SLC24A2: variants seen among roughly 807,000 people sequenced by gnomAD.
SLC24A2 encodes sodium/potassium/calcium exchanger 2.
SLC24A2 carries 36 observed loss-of-function variants against 62.0 expected under a neutral mutation model. The ratio of observed to expected loss-of-function variants is 0.58; its 90% CI spans 0.44 to 0.77. SLC24A2 has a LOEUF of 0.77. Among genes scored for constraint, SLC24A2 ranks in the 30% least tolerant of loss-of-function variants. The pLI is 0.00. For synonymous variants in SLC24A2, 358 were observed against 294.0 expected (o/e 1.22, Z -2.23); for missense variants, 846 against 817.9 (o/e 1.03, Z -0.42).
At chr9:19,696,604 T>C (rs1011001493) in intron 2 of SLC24A2, among the ~76,000 whole-genome samples, 10 of 152,212 alleles carry the variant, frequency 6.6e-5, no homozygotes, top group African/African-American at 2.4e-4. Flanking sequence ...TGCTATATTA[T>C]TCTATATCTT....
the SLC24A2 span, among the ~76,000 whole-genome samples, chr9:20,169,481 A>T: frequency 2.0e-5 from 3 of 152,026 alleles, no homozygotes; most frequent in East Asian, 3.9e-4. Flanking sequence ...GAATCCAGGG[A>T]TCTGCAGACA....
At chr9:20,263,698 C>A in the SLC24A2 span, among the ~76,000 whole-genome samples, 2 of 152,172 alleles carry the variant, frequency 1.3e-5, no homozygotes, top group Non-Finnish European at 2.9e-5. Flanking sequence ...TAGTAGCCAG[C>A]ACTAGTAGCT....
the SLC24A2 span, among the ~76,000 whole-genome samples, chr9:19,817,002 T>C: frequency 2.8e-4 from 42 of 152,282 alleles, 2 homozygotes; most frequent in South Asian, 8.5e-3. Context: ...TAAGTATTCA[T>C]AGAATGCATG....
intron 2 of SLC24A2, among the ~76,000 whole-genome samples, chr9:19,663,196 A>G (rs1420172620): frequency 6.6e-6 from 1 of 152,170 alleles, no homozygotes; most frequent in East Asian, 1.9e-4. Flanking sequence ...ACAGATTAGG[A>G]AAAAGAGGCT....
chr9:20,075,698 AG>A, the SLC24A2 span, among the ~76,000 whole-genome samples: 97,683 of 151,954 alleles, frequency 0.64, 32,596 homozygotes, highest in East Asian at 0.95. Context: ...TTGAACAATC[AG>A]GGGGGGATAC....
At chr9:19,651,103 T>G (rs1818788980) in intron 2 of SLC24A2, among the ~76,000 whole-genome samples, 1 of 152,102 alleles carries the variant, frequency 6.6e-6, no homozygotes, top group Admixed American at 6.6e-5. Context: ...TAGTATTAGG[T>G]AGCACAGATC....
the SLC24A2 span, among the ~76,000 whole-genome samples, chr9:19,873,846 A>G: frequency 1.3e-5 from 2 of 152,248 alleles, no homozygotes; most frequent in South Asian, 2.1e-4. Context: ...GAATGCCCCA[A>G]ATCACCAAAT....
intron 2 of SLC24A2, among the ~76,000 whole-genome samples, chr9:19,723,300 A>G (rs1821080644): frequency 6.6e-6 from 1 of 152,144 alleles, no homozygotes; most frequent in African/African-American, 2.4e-5. Flanking sequence ...TTTGTTGCAC[A>G]GATGTGAAGG....
the SLC24A2 span, among the ~76,000 whole-genome samples, chr9:20,088,317 G>A: frequency 6.6e-6 from 1 of 152,226 alleles, no homozygotes; most frequent in Non-Finnish European, 1.5e-5. Context: ...GGAGGGGCAG[G>A]CTGCCGGCTT....
At chr9:19,716,419 G>C (rs531131433) in intron 2 of SLC24A2, among the ~76,000 whole-genome samples, 3 of 152,320 alleles carry the variant, frequency 2.0e-5, no homozygotes, top group African/African-American at 7.2e-5. Context: ...ATGATAGATA[G>C]AACAGGGTTC....
At position 19,511,623 on chromosome 9, in the gene SLC24A2, G is replaced by C. The variant is rs189486709; in HGVS notation, c.*4530C>G. 1.3e-5 allele frequency: 2 copies of C among 152,252 alleles called. No individual in the cohort carries two copies. Among genetic ancestry groups the C allele is most frequent in the Admixed American group, 6.5e-5 (1 of 15,300 alleles). 9.4% of individuals were successfully genotyped at this position (152,252 alleles called of 1,614,324 possible). A position where few individuals can be genotyped will look rare whatever the true frequency, so the allele number is the denominator to read the frequency against. ...AGACAGTATTGTTGAGACAGGTATA[G>C]GGGTTGAGGAGGTATCTTTTAAAAA... On this transcript the variant is annotated 3_prime_UTR_variant, in exon 11 of 11. Coordinates refer to ENST00000341998, the MANE Select transcript of SLC24A2 (RefSeq NM_020344.4).
chr9:19,518,534 G>A (rs1352381255), intron 10 of SLC24A2, among the ~76,000 whole-genome samples: 3 of 151,042 alleles, frequency 2.0e-5, no homozygotes, highest in Non-Finnish European at 4.4e-5. Flanking sequence ...CGATTCTCCT[G>A]CCTCAGCTTC....
At chr9:19,718,596 C>T (rs1237994581) in intron 2 of SLC24A2, among the ~76,000 whole-genome samples, 1 of 151,900 alleles carries the variant, frequency 6.6e-6, no homozygotes, top group Admixed American at 6.6e-5. Flanking sequence ...CAGGCATGAG[C>T]CACTGCGCCC....
the SLC24A2 span, among the ~76,000 whole-genome samples, chr9:20,089,218 C>G: frequency 6.6e-6 from 1 of 152,154 alleles, no homozygotes; most frequent in African/African-American, 2.4e-5. Flanking sequence ...ACCCCCAGCA[C>G]AGAACACCCA....
intron 5 of SLC24A2, among the ~76,000 whole-genome samples, chr9:19,580,849 G>A (rs1296514299): frequency 6.6e-6 from 1 of 152,082 alleles, no homozygotes; most frequent in Admixed American, 6.5e-5. Context: ...GGATTCCAGT[G>A]GTATTGGTAG....
chr9:19,831,691 G>C, the SLC24A2 span, among the ~76,000 whole-genome samples: 3 of 152,074 alleles, frequency 2.0e-5, no homozygotes, highest in Non-Finnish European at 2.9e-5. Context: ...CAGAGACAAA[G>C]AATACAAAAG....
the SLC24A2 span, among the ~76,000 whole-genome samples, chr9:20,266,160 G>A: frequency 2.0e-5 from 3 of 152,246 alleles, no homozygotes; most frequent in South Asian, 2.1e-4. Context: ...ACCTTGTAAA[G>A]CATGTGATCT....
rs182001942 is a variant in SLC24A2, at chr9:19,675,849, C to T, written c.931-53550G>A. Among the ~76,000 whole-genome samples the T allele has an allele frequency of 6.3e-3, 961 of 152,298 alleles. 8 individuals carry two copies. Among genetic ancestry groups the T allele is most frequent in the Non-Finnish European group, 9.6e-3 (651 of 68,028 alleles). The stretch of plus-strand genomic sequence containing the variant: ...TCGTGCTGTGTCTGCACTCCCTATT[C>T]ACCCCCTCCCCTGACTTCTGTCCAG... On this transcript the variant is annotated intron_variant, in intron 2 of 10. Transcript: ENST00000341998.
the SLC24A2 span, among the ~76,000 whole-genome samples, chr9:20,033,457 G>C: frequency 3.1e-3 from 444 of 143,884 alleles, 9 homozygotes; most frequent in East Asian, 0.079. Flanking sequence ...CTGGTCTTAA[G>C]AAATGTTTGT....
Sources: gnomAD v4.1 joint callset for allele counts (sites outside exome capture counted in the v4.1 genomes callset) on GRCh38, gnomAD v4.1.1 for gene constraint, MANE v1.5 for transcripts, NCBI Gene and HGNC (gene_info 2026-07-23, HGNC 2026-07-21) for gene names.